Variants in CMPK1 observed in about 807,000 individuals in gnomAD.
CMPK1 encodes UMP-CMP kinase.
A neutral mutation model predicts 25.7 loss-of-function variants in CMPK1; 10 were observed. The ratio of observed to expected loss-of-function variants is 0.39; its 90% CI spans 0.24 to 0.66. The LOEUF (loss-of-function observed/expected upper bound fraction) is 0.66. Among genes scored for constraint, CMPK1 ranks in the 30% least tolerant of loss-of-function variants. The pLI is 0.48. For missense variants in CMPK1, 199 were observed against 280.5 expected (o/e 0.71, Z 2.08); for synonymous variants, 106 against 101.5 (o/e 1.04, Z -0.27).
At chr1:47,372,801 T>C (rs1271784721) in intron 2 of CMPK1, among the ~76,000 whole-genome samples, 154 bp from the exon 3 acceptor site, 3 of 77,296 alleles carry the variant, frequency 3.9e-5, no homozygotes, top group Admixed American at 2.1e-4. Context: ...TCTTTCTTTC[T>C]TTTTTTCTTT....
intron 3 of CMPK1, among the ~76,000 whole-genome samples, chr1:47,373,847 G>A (rs1489964599): frequency 6.6e-6 from 1 of 151,918 alleles, no homozygotes; most frequent in Non-Finnish European, 1.5e-5. Context: ...TGTCTTAAGA[G>A]TGAAATGATC....
chr1:47,361,519 A>G (rs893532105), intron 1 of CMPK1, among the ~76,000 whole-genome samples: 1 of 152,224 alleles, frequency 6.6e-6, no homozygotes, highest in African/African-American at 2.4e-5. Flanking sequence ...CTGCAACTGC[A>G]TATCAGAAAA....
At chr1:47,352,928 G>T (rs1570362922) in intron 1 of CMPK1, among the ~76,000 whole-genome samples, 1 of 151,948 alleles carries the variant, frequency 6.6e-6, no homozygotes. Context: ...ACTTATGAAG[G>T]TAAATTTTAT....
intron 2 of CMPK1, among the ~76,000 whole-genome samples, chr1:47,370,703 C>A (rs1646672184): frequency 6.7e-6 from 1 of 149,086 alleles, no homozygotes; most frequent in Admixed American, 6.8e-5. Context: ...CTTTAAGAGG[C>A]CAAGGTGGGT....
chr1:47,373,811 AAAG>A (rs1646691546), intron 3 of CMPK1, among the ~76,000 whole-genome samples: 2 of 152,150 alleles, frequency 1.3e-5, no homozygotes, highest in Admixed American at 6.5e-5. Context: ...AGAAAAAAAA[AAAG>A]AAACATACAG....
intron 1 of CMPK1, among the ~76,000 whole-genome samples, chr1:47,341,734 G>A (rs181975338): frequency 1.7e-4 from 26 of 151,900 alleles, no homozygotes; most frequent in Admixed American, 1.6e-3. Flanking sequence ...TGCCTCCCAG[G>A]TTCAAGCGAT....
intron 2 of CMPK1, among the ~76,000 whole-genome samples, chr1:47,370,178 A>G (rs1334150822): frequency 6.6e-6 from 1 of 151,470 alleles, no homozygotes; most frequent in East Asian, 2.0e-4. Context: ...GGGCCTCCCA[A>G]AGTGCTGGGA....
intron 1 of CMPK1, among the ~76,000 whole-genome samples, chr1:47,349,747 CTTG>C (rs1646508746): frequency 6.6e-6 from 1 of 151,928 alleles, no homozygotes; most frequent in African/African-American, 2.4e-5. Flanking sequence ...TCTAAATGTT[CTTG>C]TTTGTTTGTT....
In CMPK1 at chr1:47,333,893, C is replaced by G. The variant is rs1438885866; in HGVS notation, c.-53C>G. The G allele has an allele frequency of 4.2e-6, 5 of 1,196,206 alleles. No homozygotes were observed. The highest frequency in any genetic ancestry group is 4.2e-6 in the Non-Finnish European group (4 of 958,032). The allele number at this position is 1,196,206 out of a possible 1,614,324, so 74.1% of individuals were successfully genotyped here. A position where few individuals can be genotyped will look rare whatever the true frequency, so the allele number is the denominator to read the frequency against. On this transcript the variant is annotated 5_prime_UTR_variant, in exon 1 of 6. Coordinates refer to ENST00000371873, the MANE Select transcript of CMPK1 (RefSeq NM_016308.3). ...CTCCCGCCGCCTCCCCGCCCCGCCC[C>G]GCGCCGCGCCGGCCGCTGTCAGCTC...
At chr1:47,335,373 T>G (rs144272161) in intron 1 of CMPK1, among the ~76,000 whole-genome samples, 1 of 152,316 alleles carries the variant, frequency 6.6e-6, no homozygotes, top group African/African-American at 2.4e-5. Flanking sequence ...GCGCTGTGGC[T>G]CACTCCTGTA....
At chr1:47,368,931 AAAAT>A (rs1185648551) in intron 2 of CMPK1, among the ~76,000 whole-genome samples, 12 of 152,338 alleles carry the variant, frequency 7.9e-5, no homozygotes, top group South Asian at 6.2e-4. Context: ...CCTCCTCTCA[AAAAT>A]AAATAAATAA....
chr1:47,368,650 C>A, intron 2 of CMPK1, 35 bp downstream of exon 2: 2 of 1,466,754 alleles, frequency 1.4e-6, no homozygotes, highest in Non-Finnish European at 1.8e-6. Context: ...TTCAAACCAG[C>A]GAGGAAAGAA....
intron 1 of CMPK1, among the ~76,000 whole-genome samples, chr1:47,338,385 A>G (rs1294441398): frequency 6.6e-6 from 1 of 152,190 alleles, no homozygotes; most frequent in African/African-American, 2.4e-5. Context: ...GGCAAATCTG[A>G]TACAGTGTCT....
At chr1:47,354,060 C>T (rs1646540155) in intron 1 of CMPK1, among the ~76,000 whole-genome samples, 1 of 152,056 alleles carries the variant, frequency 6.6e-6, no homozygotes, top group Non-Finnish European at 1.5e-5. Flanking sequence ...CATGGTGGCT[C>T]AGTCTTGTAA....
At chr1:47,335,761 T>TTTTTTG (rs541648920) in intron 1 of CMPK1, among the ~76,000 whole-genome samples, 1 of 152,126 alleles carries the variant, frequency 6.6e-6, no homozygotes, top group South Asian at 2.1e-4. Flanking sequence ...CTTTTGTTGT[T>TTTTTTG]TTTTTGTTTT....
intron 1 of CMPK1, among the ~76,000 whole-genome samples, chr1:47,339,617 G>A (rs745428602): frequency 1.7e-4 from 26 of 151,444 alleles, no homozygotes; most frequent in Non-Finnish European, 2.6e-4. Context: ...CCCAGAGGGC[G>A]CTCCAGTGGC....
intron 1 of CMPK1, among the ~76,000 whole-genome samples, chr1:47,334,436 C>T (rs1000413272): frequency 6.6e-6 from 1 of 152,174 alleles, no homozygotes; most frequent in Non-Finnish European, 1.5e-5. Context: ...CTTTGGGGGT[C>T]CCCCAGCGCG....
At chr1:47,370,828 G>A (rs1190811174) in intron 2 of CMPK1, among the ~76,000 whole-genome samples, 1 of 151,038 alleles carries the variant, frequency 6.6e-6, no homozygotes, top group Non-Finnish European at 1.5e-5. Flanking sequence ...GCAGGCACCT[G>A]TAATCCCAGC....
chr1:47,365,228 C>CT (rs1440040253), intron 1 of CMPK1, among the ~76,000 whole-genome samples: 1 of 150,776 alleles, frequency 6.6e-6, no homozygotes, highest in Non-Finnish European at 1.5e-5. Flanking sequence ...CTCTTCCTGC[C>CT]TTCAAAGACT....
Sources: allele counts gnomAD v4.1 joint callset (sites outside exome capture counted in the v4.1 genomes callset), GRCh38; gene constraint gnomAD v4.1.1; transcripts MANE v1.5; gene names NCBI Gene and HGNC (gene_info 2026-07-23, HGNC 2026-07-21).